The following GAB2 variants were observed in gnomAD, a reference collection of about 807,000 sequenced individuals.
The protein encoded by GAB2 is GRB2 associated binding protein 2, also known as GRB2-associated-binding protein 2.
GAB2 carries 26 observed loss-of-function variants against 65.5 expected under a neutral mutation model. The ratio of observed to expected loss-of-function variants is 0.40; its 90% CI spans 0.29 to 0.55. GAB2 has a LOEUF of 0.55. GAB2 is among the 20% of genes least tolerant of loss of function. The probability of loss-of-function intolerance (pLI) is 0.53; values close to 1 mark genes in which losing one functional copy is unlikely to be tolerated. For missense variants in GAB2, 884 were observed against 875.8 expected, an observed-to-expected ratio of 1.01 and a Z score of -0.12; for synonymous variants, 321 against 329.6, an observed-to-expected ratio of 0.97 and a Z score of 0.28.
chr11:78,255,748 C>T (rs1028251413), intron 2 of GAB2, among the ~76,000 whole-genome samples: 5 of 152,230 alleles, frequency 3.3e-5, no homozygotes, highest in African/African-American at 9.6e-5. Context: ...CATGGCCATT[C>T]TGGACAGGGC....
intron 5 of GAB2, among the ~76,000 whole-genome samples, chr11:78,224,554 G>A (rs992932673): frequency 3.9e-5 from 6 of 152,180 alleles, no homozygotes; most frequent in Non-Finnish European, 5.9e-5. Context: ...TCTATCTGCC[G>A]TGACATACAA....
At chr11:78,315,014 A>G (rs1352698597) in intron 1 of GAB2, among the ~76,000 whole-genome samples, 1 of 152,234 alleles carries the variant, frequency 6.6e-6, no homozygotes, top group Non-Finnish European at 1.5e-5. Flanking sequence ...GGGAGACAGC[A>G]GATAAAGCTC....
At chr11:78,273,452 T>G (rs1388292233) in intron 2 of GAB2, among the ~76,000 whole-genome samples, 1 of 152,256 alleles carries the variant, frequency 6.6e-6, no homozygotes, top group African/African-American at 2.4e-5. Flanking sequence ...CCACTGGATT[T>G]TGGACTTGCA....
Position 78,215,309 on chromosome 11 carries a change from T to C in GAB2, c.*3963A>G, listed in dbSNP as rs1183155805. ...GGCAGCTGGTTCTGGGGTGCATTTC[T>C]AGTGGACTTTATTGTCCTGCTCCAA... On this transcript the variant is annotated 3_prime_UTR_variant, in exon 10 of 10. Transcript: ENST00000361507. 6.6e-6 allele frequency: 1 copy of C among 152,628 alleles called. No individual in the cohort carries two copies. Among genetic ancestry groups the C allele is most frequent in the Non-Finnish European group, 1.5e-5 (1 of 68,046 alleles). 9.5% of individuals were successfully genotyped at this position (152,628 alleles called of 1,614,324 possible).
intron 3 of GAB2, among the ~76,000 whole-genome samples, chr11:78,228,196 C>A (rs1476211271): frequency 1.3e-5 from 2 of 152,122 alleles, no homozygotes; most frequent in Non-Finnish European, 2.9e-5. Context: ...CTTCGTTTCA[C>A]AAGAGTGGTT....
chr11:78,346,722 A>ATATATATTT (rs1565168352), intron 1 of GAB2, among the ~76,000 whole-genome samples: 2 of 30,792 alleles, frequency 6.5e-5, no homozygotes, highest in African/African-American at 1.7e-4. Context: ...TATATATATA[A>ATATATATTT]TTTTTTTTTT....
intron 2 of GAB2, among the ~76,000 whole-genome samples, chr11:78,264,103 G>C (rs987856451): frequency 5.9e-5 from 9 of 152,016 alleles, no homozygotes; most frequent in African/African-American, 2.2e-4. Context: ...AAATAGTACT[G>C]TTTTCATATA....
intron 2 of GAB2, among the ~76,000 whole-genome samples, chr11:78,265,853 T>C (rs1865860980): frequency 6.6e-6 from 1 of 152,210 alleles, no homozygotes; most frequent in South Asian, 2.1e-4. Context: ...TGAAAATATC[T>C]GGAAATAAGT....
chr11:78,323,517 C>CA (rs535127206), intron 1 of GAB2, among the ~76,000 whole-genome samples: 15 of 148,340 alleles, frequency 1.0e-4, no homozygotes, highest in East Asian at 2.0e-4. Context: ...CTCCCCAATT[C>CA]AAAAAAAAAG....
At chr11:78,263,567 A>G (rs1266706476) in intron 2 of GAB2, among the ~76,000 whole-genome samples, 1 of 149,068 alleles carries the variant, frequency 6.7e-6, no homozygotes, top group Non-Finnish European at 1.5e-5. Context: ...CAGGAGGCAG[A>G]GGTTGCAGTG....
At chr11:78,379,533 G>A (rs867363816) in intron 1 of GAB2, among the ~76,000 whole-genome samples, 21 of 152,230 alleles carry the variant, frequency 1.4e-4, no homozygotes, top group African/African-American at 4.1e-4. Flanking sequence ...TGGCTGGACT[G>A]ATAACAGTGA....
In GAB2 at chr11:78,215,614, G is replaced by A. The variant is rs1407344205; in HGVS notation, c.*3658C>T. ...CTGACAAACAGTGACAATTCTGCGT[G>A]AAATAATTCTAGATTTCAAGACACA... On this transcript the variant is annotated 3_prime_UTR_variant, in exon 10 of 10. Transcript: ENST00000361507. 2.6e-5 allele frequency: 4 copies of A among 152,300 alleles called. No homozygotes were observed. Among genetic ancestry groups the A allele is most frequent in the Admixed American group, 1.3e-4 (2 of 15,282 alleles). The allele number at this position is 152,300 out of a possible 1,614,324, so 9.4% of individuals were successfully genotyped here.
chr11:78,417,255 G>A (rs1857210275), intron 1 of GAB2, among the ~76,000 whole-genome samples: 1 of 151,690 alleles, frequency 6.6e-6, no homozygotes, highest in Non-Finnish European at 1.5e-5. Context: ...CCCCTTTCCC[G>A]CCCTCTCCCC....
intron 1 of GAB2, among the ~76,000 whole-genome samples, chr11:78,323,790 CTT>C (rs749282969): frequency 2.3e-4 from 18 of 77,252 alleles, no homozygotes; most frequent in African/African-American, 4.0e-4. Context: ...CTGAATCTTT[CTT>C]TTTTTTTTTT....
intron 1 of GAB2, among the ~76,000 whole-genome samples, chr11:78,365,939 C>T (rs1375251792): frequency 1.3e-5 from 2 of 152,322 alleles, no homozygotes; most frequent in East Asian, 3.9e-4. Flanking sequence ...AAAGTTCAGC[C>T]TGGATGTTCA....
intron 1 of GAB2, chr11:78,324,634 G>A (rs1320716756): frequency 6.6e-6 from 1 of 152,194 alleles, no homozygotes; most frequent in Non-Finnish European, 1.5e-5. Context: ...TAGATGCCAT[G>A]CTAAGTGCTT....
At chr11:78,296,132 G>A (rs181764919) in intron 1 of GAB2, among the ~76,000 whole-genome samples, 37 of 152,244 alleles carry the variant, frequency 2.4e-4, no homozygotes, top group Non-Finnish European at 4.3e-4. Context: ...TGATGTCACC[G>A]CTGATCTGAT....
intron 1 of GAB2, among the ~76,000 whole-genome samples, chr11:78,403,956 C>T (rs148885147): frequency 2.0e-5 from 3 of 152,030 alleles, no homozygotes; most frequent in Admixed American, 2.0e-4. Flanking sequence ...CAAGTGATAA[C>T]AGACGCTGGG....
intron 1 of GAB2, among the ~76,000 whole-genome samples, chr11:78,336,349 A>AAAC (rs1565164394): frequency 2.7e-5 from 4 of 149,002 alleles, no homozygotes; most frequent in African/African-American, 9.8e-5. Flanking sequence ...AAAAAAAAAA[A>AAAC]AAAAAAAAAA....
Sources: gnomAD v4.1 joint callset for allele counts (sites outside exome capture counted in the v4.1 genomes callset) on GRCh38, gnomAD v4.1.1 for gene constraint, MANE v1.5 for transcripts, NCBI Gene and HGNC (gene_info 2026-07-23, HGNC 2026-07-21) for gene names.